ATP9A: variants seen among roughly 807,000 people sequenced by gnomAD.
The protein encoded by ATP9A is ATPase phospholipid transporting 9A.
In ATP9A, 52 loss-of-function variants were observed where a neutral mutation model predicts 144.1. The ratio of observed to expected loss-of-function variants is 0.36; its 90% CI spans 0.29 to 0.45. The LOEUF is 0.45. ATP9A is among the 20% of genes least tolerant of loss of function. ATP9A has a pLI of 1.00. For synonymous variants in ATP9A, 582 were observed against 557.4 expected, an observed-to-expected ratio of 1.04 and a Z score of -0.62; for missense variants, 947 against 1,392.7, an observed-to-expected ratio of 0.68 and a Z score of 5.09.
intron 3 of ATP9A, among the ~76,000 whole-genome samples, chr20:51,718,521 T>C (rs1173461761): frequency 1.3e-5 from 2 of 151,872 alleles, no homozygotes; most frequent in East Asian, 3.9e-4. Flanking sequence ...GCTTTTAAGA[T>C]AATTCAAAAG....
intron 15 of ATP9A, among the ~76,000 whole-genome samples, chr20:51,636,434 C>T (rs1198217800): frequency 2.0e-5 from 3 of 152,182 alleles, no homozygotes; most frequent in Non-Finnish European, 4.4e-5. Flanking sequence ...TGTTTTAAGC[C>T]ACTAAATGTG....
Position 51,676,295 on chromosome 20 carries a change from G to A in ATP9A, c.800-87C>T. ...GCAAATAGAAGAGTCTGATCCTCTT[G>A]AGAGACTGGGTTCTTTTTTTTTTTT... is the stretch of plus-strand genomic sequence containing the variant. On this transcript the variant is annotated intron_variant, in intron 9 of 27. Transcript: ENST00000338821. 5 of 1,033,112 alleles carry A rather than the reference G, an allele frequency of 4.8e-6. No individual in the cohort carries two copies. In the South Asian group the frequency reaches 7.9e-5, roughly 16 times the overall value. The allele number at this position is 1,033,112 out of a possible 1,614,324, so 64.0% of individuals were successfully genotyped here.
At chr20:51,674,812 T>C (rs6021369) in intron 10 of ATP9A, among the ~76,000 whole-genome samples, 1 of 151,970 alleles carries the variant, frequency 6.6e-6, no homozygotes, top group African/African-American at 2.4e-5. Context: ...GGTGCATTAA[T>C]GGACATTATT....
At chr20:51,631,456 G>T (rs1177559184) in intron 15 of ATP9A, among the ~76,000 whole-genome samples, 1 of 152,126 alleles carries the variant, frequency 6.6e-6, no homozygotes, top group Non-Finnish European at 1.5e-5. Flanking sequence ...TGTAGGAAAT[G>T]ATGCTCCCAG....
At chr20:51,658,169 G>T (rs552127127) in intron 13 of ATP9A, among the ~76,000 whole-genome samples, 1 of 152,162 alleles carries the variant, frequency 6.6e-6, no homozygotes, top group African/African-American at 2.4e-5. Flanking sequence ...TCCTGTCAAC[G>T]AGAGGAGTGG....
rs1053867664 is a variant in ATP9A at position 51,663,525 on chromosome 20, T to TGG, written c.1294-6377_1294-6376dup. ...CTTCCTCAAGAGAATGTAAACTCGGTGGCTCACACCTGTAATCCCAGCACT... is the reference window on the plus strand; with the variant it reads ...CTTCCTCAAGAGAATGTAAACTCGGTGGGGCTCACACCTGTAATCCCAGCACT... On this transcript the variant is annotated intron_variant, in intron 13 of 27. Transcript: ENST00000338821. Among the ~76,000 whole-genome samples the TGG allele has an allele frequency of 1.6e-4, 24 of 152,302 alleles. 1 individual carries two copies. The highest frequency in any genetic ancestry group is 5.5e-4 in the African/African-American group (23 of 41,558).
chr20:51,631,880 C>A (rs549504603), intron 15 of ATP9A, among the ~76,000 whole-genome samples: 4 of 152,158 alleles, frequency 2.6e-5, no homozygotes, highest in Admixed American at 1.3e-4. Flanking sequence ...TCCAACCTTG[C>A]CTGATTTCTT....
intron 18 of ATP9A, among the ~76,000 whole-genome samples, chr20:51,623,510 G>A (rs1039987460): frequency 6.6e-6 from 1 of 152,160 alleles, no homozygotes; most frequent in Admixed American, 6.5e-5. Flanking sequence ...GCCAGGCGCG[G>A]TGGCTTACGC....
At chr20:51,684,985 C>T (rs530836805) in intron 9 of ATP9A, among the ~76,000 whole-genome samples, 1 of 148,822 alleles carries the variant, frequency 6.7e-6, no homozygotes, top group East Asian at 2.0e-4. Context: ...ACCTCTAGCC[C>T]GGACCACTGA....
intron 1 of ATP9A, among the ~76,000 whole-genome samples, chr20:51,757,341 C>G (rs948242945): frequency 6.6e-6 from 1 of 152,144 alleles, no homozygotes; most frequent in Non-Finnish European, 1.5e-5. Context: ...TATCTCATCA[C>G]TGCAAACTGC....
intron 1 of ATP9A, among the ~76,000 whole-genome samples, chr20:51,760,950 C>T (rs2077877660): frequency 6.6e-6 from 1 of 150,514 alleles, no homozygotes; most frequent in Non-Finnish European, 1.5e-5. Context: ...ATTGCTTAAA[C>T]CCAGGAGGCA....
chr20:51,713,643 G>T (rs1170153412), intron 3 of ATP9A, among the ~76,000 whole-genome samples: 3 of 152,164 alleles, frequency 2.0e-5, no homozygotes, highest in Non-Finnish European at 1.5e-5. Context: ...GAGAAACTTA[G>T]GTGGATGGAG....
rs569570004 is a variant in ATP9A at position 51,683,028 on chromosome 20, G to A, written c.799+6036C>T. Among the ~76,000 whole-genome samples, 3 of 150,814 alleles carry A rather than the reference G, an allele frequency of 2.0e-5. No individual in the cohort carries two copies. The South Asian group carries it at 6.4e-4, about 32-fold the overall frequency. On this transcript the variant is annotated intron_variant, in intron 9 of 27. Transcript: ENST00000338821. ...AATCGCTTGAACCCAGGAGGTGGAG[G>A]TTGCAATGAGCAGAGATCGCACCAT...
intron 15 of ATP9A, among the ~76,000 whole-genome samples, chr20:51,631,428 T>C (rs1377525348): frequency 6.6e-6 from 1 of 151,778 alleles, no homozygotes; most frequent in Non-Finnish European, 1.5e-5. Context: ...AACCAAAGGG[T>C]GCTCAACAAC....
chr20:51,681,894 C>T (rs530845281), intron 9 of ATP9A, among the ~76,000 whole-genome samples: 3 of 152,146 alleles, frequency 2.0e-5, no homozygotes, highest in Non-Finnish European at 4.4e-5. Flanking sequence ...AGATGAAAAA[C>T]AAACAGGCAT....
At chr20:51,623,847 C>T (rs921164443) in intron 18 of ATP9A, among the ~76,000 whole-genome samples, 7 of 151,204 alleles carry the variant, frequency 4.6e-5, no homozygotes, top group African/African-American at 1.2e-4. Flanking sequence ...TGTGCAAGAT[C>T]GTATCTTAGA....
At chr20:51,719,742 A>AC (rs201622953) in intron 3 of ATP9A, among the ~76,000 whole-genome samples, 7 of 131,706 alleles carry the variant, frequency 5.3e-5, no homozygotes, top group East Asian at 2.8e-4. Context: ...AAAAAAAAAA[A>AC]AAAGGGGGGG....
At chr20:51,751,779 G>A (rs928338122) in intron 1 of ATP9A, among the ~76,000 whole-genome samples, 68 of 152,120 alleles carry the variant, frequency 4.5e-4, no homozygotes, top group African/African-American at 1.6e-3. Flanking sequence ...TAGTAGAGAC[G>A]GGGTTTCACC....
chr20:51,734,873 C>T (rs1242229009), intron 1 of ATP9A: 2 of 216,470 alleles, frequency 9.2e-6, no homozygotes, highest in Non-Finnish European at 2.0e-5. Context: ...CAAAGGGTGT[C>T]GGCAGCAAAA....
Sources: gnomAD v4.1 joint callset for allele counts (sites outside exome capture counted in the v4.1 genomes callset) on GRCh38, gnomAD v4.1.1 for gene constraint, MANE v1.5 for transcripts, NCBI Gene and HGNC (gene_info 2026-07-23, HGNC 2026-07-21) for gene names.